Variants in DYSF observed in about 807,000 individuals in gnomAD.
DYSF encodes dystrophy-associated fer-1-like 1.
A neutral mutation model predicts 274.9 loss-of-function variants in DYSF; 212 were observed. The ratio of observed to expected loss-of-function variants is 0.77; its 90% CI spans 0.69 to 0.86. The LOEUF is 0.86. DYSF is among the 40% of genes least tolerant of loss of function. The pLI is 0.00. For synonymous variants in DYSF, 1,091 were observed against 1,078.7 expected, an observed-to-expected ratio of 1.01 and a Z score of -0.22; for missense variants, 2,666 against 2,783.2, an observed-to-expected ratio of 0.96 and a Z score of 0.95.
At chr2:71,653,595 G>T (rs1433342105) in intron 42 of DYSF, among the ~76,000 whole-genome samples, 4 of 145,994 alleles carry the variant, frequency 2.7e-5, no homozygotes, top group Non-Finnish European at 5.9e-5. Context: ...TCACTCATAG[G>T]TGGGAATTGA....
chr2:71,650,156 C>T (rs539296247), intron 42 of DYSF, among the ~76,000 whole-genome samples: 1 of 152,242 alleles, frequency 6.6e-6, no homozygotes, highest in Admixed American at 6.5e-5. Flanking sequence ...TAATTCCCTT[C>T]TCTCAGTTCA....
Position 71,611,325 on chromosome 2 carries a change from G to A in DYSF, c.4038G>A (p.Ala1346=), listed in dbSNP as rs751571463. Residue 1346 remains alanine, a synonymous_variant, in exon 37 of 56, where the codon GCG becomes GCA. Transcript: ENST00000410020. ...IYMVPQNIKP[A]LQRTAIEILA... Reference sequence around the variant, plus strand: ...TGGTTCCTCAGAACATCAAGCCAGCGCTCCAGCGTACCGCCATCGAGGTGA... The same window carrying A: ...TGGTTCCTCAGAACATCAAGCCAGCACTCCAGCGTACCGCCATCGAGGTGA... 13 of 1,613,864 alleles carry A rather than the reference G, an allele frequency of 8.1e-6. No homozygotes were observed. The highest frequency in any genetic ancestry group is 6.7e-5 in the African/African-American group (5 of 74,936).
At chr2:71,671,122 A>G (rs2095112687) in intron 51 of DYSF, among the ~76,000 whole-genome samples, 1 of 152,172 alleles carries the variant, frequency 6.6e-6, no homozygotes, top group South Asian at 2.1e-4. Flanking sequence ...TCTGCACATT[A>G]GAGAAAGCAA....
intron 23 of DYSF, among the ~76,000 whole-genome samples, chr2:71,562,742 C>T (rs1174975243): frequency 6.6e-6 from 1 of 152,148 alleles, no homozygotes; most frequent in Non-Finnish European, 1.5e-5. Flanking sequence ...GAGAGGGAGG[C>T]TGCTCAGGAA....
chr2:71,456,153 G>T (rs2081053729), intron 1 of DYSF, among the ~76,000 whole-genome samples: 1 of 151,024 alleles, frequency 6.6e-6, no homozygotes, highest in Non-Finnish European at 1.5e-5. Context: ...CTGGCTCTTC[G>T]GGGTAGGCTC....
intron 1 of DYSF, among the ~76,000 whole-genome samples, chr2:71,471,741 G>A (rs1040241278): frequency 1.3e-5 from 2 of 152,152 alleles, no homozygotes; most frequent in Non-Finnish European, 2.9e-5. Flanking sequence ...AGGCTGAGGT[G>A]GGCGGATTGC....
At chr2:71,609,904 T>G (rs1377714385) in intron 36 of DYSF, among the ~76,000 whole-genome samples, 1 of 152,204 alleles carries the variant, frequency 6.6e-6, no homozygotes, top group African/African-American at 2.4e-5. Flanking sequence ...AGAAGTCACT[T>G]GGAGAATGAA....
At chr2:71,557,687 C>T (rs1395834867) in intron 22 of DYSF, among the ~76,000 whole-genome samples, 1 of 152,092 alleles carries the variant, frequency 6.6e-6, no homozygotes, top group Non-Finnish European at 1.5e-5. Flanking sequence ...TGATGACAAG[C>T]AGTCTTCTGT....
rs149280861 is a variant in DYSF at position 71,672,103 on chromosome 2, A to C, written c.5785-2094A>C. ...GCTGGAAGGAGGGGCGGAGAAGGTC[A>C]GAAGAGGAGGCTGAGAAACAGAAAC... is the stretch of plus-strand genomic sequence containing the variant. On this transcript the variant is annotated intron_variant, in intron 51 of 55. Coordinates refer to ENST00000410020, the MANE Select transcript of DYSF (RefSeq NM_001130987.2). 2.0e-3 allele frequency among the ~76,000 whole-genome samples: 305 copies of C among 150,518 alleles called. 1 individual carries two copies. Among genetic ancestry groups the C allele is most frequent in the Non-Finnish European group, 4.0e-3 (272 of 68,020 alleles).
intron 30 of DYSF, among the ~76,000 whole-genome samples, chr2:71,584,700 G>A (rs1208856430): frequency 1.3e-5 from 2 of 152,206 alleles, no homozygotes; most frequent in Non-Finnish European, 2.9e-5. Context: ...GGATAAAGGA[G>A]TGTGTATGTC....
rs747168618 is a variant in DYSF, at chr2:71,551,682, G to A, written c.1768G>A (p.Val590Met). The A allele has an allele frequency of 2.5e-6, 4 of 1,610,872 alleles. No homozygotes were observed. The highest frequency in any genetic ancestry group is 2.2e-5 in the East Asian group (1 of 44,772). Residue 590 changes from valine to methionine, a missense_variant, in exon 19 of 56, where the codon GTG becomes ATG. Val to Met is a conservative substitution (Grantham distance 21, BLOSUM62 1). Coordinates refer to ENST00000410020, the MANE Select transcript of DYSF (RefSeq NM_001130987.2). ...TKLVEHSEQK[V>M]EDLPADDILR... ...GCTGGTGGAGCACAGTGAACAGAAG[G>A]TGGAGGACCTTCCTGCGGATGACAT... is the stretch of plus-strand genomic sequence containing the variant.
chr2:71,453,630 C>T (rs1012604505), exon 1 of DYSF: 2 of 343,904 alleles, frequency 5.8e-6, no homozygotes, highest in Non-Finnish European at 1.1e-5. Flanking sequence ...ATCGCGGCCG[C>T]CGCCCAGCCA....
At chr2:71,501,883 T>C (rs187271504) in intron 3 of DYSF, among the ~76,000 whole-genome samples, 1 of 152,322 alleles carries the variant, frequency 6.6e-6, no homozygotes, top group Admixed American at 6.5e-5. Flanking sequence ...TCTAGGTCCC[T>C]GATTTCAATT....
At position 71,642,784 on chromosome 2, in the gene DYSF, C is replaced by T. The variant is rs192264994; in HGVS notation, c.4528-1181C>T. ...AGGATGCCTGTTCAGGAACCCTTGG[C>T]GGGGCACCAGCTTGTGTTTGCCTTT... On this transcript the variant is annotated intron_variant, in intron 41 of 55. Transcript: ENST00000410020. Among the ~76,000 whole-genome samples the T allele has an allele frequency of 6.5e-4, 99 of 152,256 alleles. 2 individuals carry two copies. Among genetic ancestry groups the T allele is most frequent in the Middle Eastern group, 6.8e-3 (2 of 294 alleles).
intron 42 of DYSF, among the ~76,000 whole-genome samples, chr2:71,647,436 C>T (rs930151853): frequency 5.9e-5 from 9 of 152,114 alleles, no homozygotes; most frequent in East Asian, 1.9e-4. Context: ...AAAGTTCAAC[C>T]GCTTAGAAAT....
intron 14 of DYSF, among the ~76,000 whole-genome samples, chr2:71,530,348 C>T (rs34402360): frequency 0.47 from 70,775 of 152,084 alleles, 18,175 homozygotes; most frequent in Non-Finnish European, 0.58. Flanking sequence ...GAACCAAGAC[C>T]GACATGCCTT....
intron 21 of DYSF, 83 bp from the exon 22 acceptor site, chr2:71,555,882 A>C (rs1006002715): frequency 3.7e-6 from 4 of 1,080,118 alleles, no homozygotes; most frequent in Non-Finnish European, 5.6e-6. Flanking sequence ...GTTCAGTAGC[A>C]GTGACAAGGC....
chr2:71,667,909 C>T (rs540545141), intron 48 of DYSF, among the ~76,000 whole-genome samples: 1 of 152,242 alleles, frequency 6.6e-6, no homozygotes, highest in South Asian at 2.1e-4. Context: ...GTGGGGTATG[C>T]AGCCAGGGTG....
chr2:71,608,539 TCTTC>T (rs1347824698), intron 36 of DYSF, among the ~76,000 whole-genome samples: 2 of 152,134 alleles, frequency 1.3e-5, no homozygotes, highest in African/African-American at 4.8e-5. Context: ...TCTGCCTGTC[TCTTC>T]CTTCTGCCTC....
Sources: gnomAD v4.1 joint callset for allele counts (sites outside exome capture counted in the v4.1 genomes callset) on GRCh38, gnomAD v4.1.1 for gene constraint, MANE v1.5 for transcripts, NCBI Gene and HGNC (gene_info 2026-07-23, HGNC 2026-07-21) for gene names.